The following SNRPD1 variants were observed in gnomAD, a reference collection of about 807,000 sequenced individuals.
The protein encoded by SNRPD1 is small nuclear ribonucleoprotein D1 polypeptide, also known as small nuclear ribonucleoprotein Sm D1.
Under a neutral mutation model 14.4 loss-of-function variants are expected in SNRPD1, and 1 was observed. That is an observed-to-expected ratio of 0.07 (90% confidence interval 0.02 to 0.33). The LOEUF (loss-of-function observed/expected upper bound fraction) is 0.33. Among genes scored for constraint, SNRPD1 ranks in the 10% least tolerant of loss-of-function variants. The pLI, the probability that SNRPD1 is intolerant of heterozygous loss-of-function variation, is 1.00. For synonymous variants in SNRPD1, 42 were observed against 50.3 expected, an observed-to-expected ratio of 0.83 and a Z score of 0.70; for missense variants, 52 against 146.4, an observed-to-expected ratio of 0.36 and a Z score of 3.33.
At position 21,629,168 on chromosome 18, in the gene SNRPD1, AT is replaced by A. The variant is rs758189599; in HGVS notation, c.*33del. 1 of 1,513,684 alleles carries A rather than the reference AT, an allele frequency of 6.6e-7. No individual in the cohort carries two copies. 93.8% of individuals were successfully genotyped at this position (1,513,684 alleles called of 1,614,324 possible). A position where few individuals can be genotyped will look rare whatever the true frequency, so the allele number is the denominator to read the frequency against. On this transcript the variant is annotated 3_prime_UTR_variant, in exon 4 of 4. Coordinates refer to ENST00000300413, the MANE Select transcript of SNRPD1 (RefSeq NM_006938.4). ...TCTCAAGATTTCAAAGTCATATGAG[AT>A]TTGGGATATTTTTTGTACAGGTTGT...
intron 1 of SNRPD1, among the ~76,000 whole-genome samples, chr18:21,622,218 A>C (rs1357679415): frequency 6.6e-5 from 10 of 150,598 alleles, no homozygotes; most frequent in African/African-American, 2.4e-4. Context: ...CGGCTCACTG[A>C]GAGCTCTGCT....
intron 1 of SNRPD1, among the ~76,000 whole-genome samples, chr18:21,613,854 CAAAAAAAAAA>C (rs56863125): frequency 3.4e-5 from 2 of 58,696 alleles, no homozygotes; most frequent in Non-Finnish European, 5.9e-5. Context: ...GACTCCATCT[CAAAAAAAAAA>C]AAAAAAAAAA....
At chr18:21,619,779 CA>C (rs542087657) in intron 1 of SNRPD1, among the ~76,000 whole-genome samples, 1 of 148,738 alleles carries the variant, frequency 6.7e-6, no homozygotes. Context: ...GACTCCGTCT[CA>C]AAAAAAAATA....
Position 21,623,828 on chromosome 18 carries a change from C to A in SNRPD1, c.172C>A (p.Leu58Met), listed in dbSNP as rs2039015666. Residue 58 changes from leucine to methionine, a missense_variant, in exon 3 of 4, where the codon CTG becomes ATG. Physicochemically the swap from Leu to Met is conservative, Grantham distance 15 (BLOSUM62 2). Transcript: ENST00000300413. ...KNREPVQLET[L>M]SIRGNNIRYF... ...CAGAGAACCTGTACAGCTGGAAACGCTGAGTATTCGAGGAAATAACATTCG... is the reference window on the plus strand; with the variant it reads ...CAGAGAACCTGTACAGCTGGAAACGATGAGTATTCGAGGAAATAACATTCG... 2 of 1,613,254 alleles carry A rather than the reference C, an allele frequency of 1.2e-6. No individual in the cohort carries two copies. Among genetic ancestry groups the A allele is most frequent in the Non-Finnish European group, 1.7e-6 (2 of 1,179,306 alleles).
At chr18:21,617,674 C>T (rs1282137912) in intron 1 of SNRPD1, among the ~76,000 whole-genome samples, 1 of 152,156 alleles carries the variant, frequency 6.6e-6, no homozygotes, top group East Asian at 1.9e-4. Flanking sequence ...ACCTGCCTAA[C>T]TCCTCTCTAC....
intron 2 of SNRPD1, among the ~76,000 whole-genome samples, chr18:21,623,475 G>A (rs2039013296): frequency 6.6e-6 from 1 of 152,164 alleles, no homozygotes; most frequent in Non-Finnish European, 1.5e-5. Flanking sequence ...CATCAGTAGT[G>A]AGCCTAAAGC....
intron 3 of SNRPD1, among the ~76,000 whole-genome samples, chr18:21,628,735 G>T (rs1178913742): frequency 2.6e-5 from 4 of 151,892 alleles, no homozygotes; most frequent in Non-Finnish European, 5.9e-5. Flanking sequence ...TTTTTGTGAG[G>T]TTCAAATCAT....
chr18:21,622,263 C>T (rs2039003572), intron 1 of SNRPD1, among the ~76,000 whole-genome samples: 2 of 151,976 alleles, frequency 1.3e-5, no homozygotes, highest in African/African-American at 4.8e-5. Context: ...CCTCAGCCTC[C>T]CGAGTAGCTG....
Position 21,629,228 on chromosome 18 carries a change from G to A in SNRPD1, c.*90G>A, listed in dbSNP as rs973378880. Reference sequence around the variant, plus strand: ...ATGTCAGTTTTTAATAAACATAAATGTGGGACAGAGCTGTCTATTTAGTAT... The same window carrying A: ...ATGTCAGTTTTTAATAAACATAAATATGGGACAGAGCTGTCTATTTAGTAT... On this transcript the variant is annotated 3_prime_UTR_variant, in exon 4 of 4. Transcript: ENST00000300413. 3.4e-5 allele frequency: 33 copies of A among 971,366 alleles called. No homozygotes were observed. The highest frequency in any genetic ancestry group is 5.2e-5 in the Non-Finnish European group (31 of 598,590). The allele number at this position is 971,366 out of a possible 1,614,324, so 60.2% of individuals were successfully genotyped here.
chr18:21,626,062 T>A (rs1183643577), intron 3 of SNRPD1, among the ~76,000 whole-genome samples: 2 of 152,146 alleles, frequency 1.3e-5, no homozygotes, highest in Non-Finnish European at 2.9e-5. Flanking sequence ...AGACTTACAG[T>A]TTTTGTGTGT....
intron 1 of SNRPD1, among the ~76,000 whole-genome samples, chr18:21,622,123 A>G (rs2039002339): frequency 6.6e-6 from 1 of 151,128 alleles, no homozygotes; most frequent in African/African-American, 2.4e-5. Context: ...TAATCTTTTT[A>G]CCGACTGTAA....
chr18:21,616,558 A>G (rs945283284), intron 1 of SNRPD1, among the ~76,000 whole-genome samples: 31 of 144,366 alleles, frequency 2.1e-4, no homozygotes, highest in African/African-American at 8.0e-4. Flanking sequence ...GGGTTTCACC[A>G]TGTTGGTCAG....
chr18:21,623,724 C>T, intron 2 of SNRPD1, 24 bp from the exon 3 acceptor site: 1 of 1,553,976 alleles, frequency 6.4e-7, no homozygotes, highest in Non-Finnish European at 8.8e-7. Flanking sequence ...ATACTAATAA[C>T]TGCACAATTA....
intron 3 of SNRPD1, among the ~76,000 whole-genome samples, chr18:21,625,951 C>T (rs1191993410): frequency 6.6e-6 from 1 of 152,096 alleles, no homozygotes; most frequent in Non-Finnish European, 1.5e-5. Context: ...TTTCTTTGTT[C>T]CTCTGGGTAG....
Position 21,612,327 on chromosome 18 carries a change from G to GC in SNRPD1, c.-99dup. 1.2e-6 allele frequency: 1 copy of GC among 815,340 alleles called. No individual in the cohort carries two copies. The highest frequency in any genetic ancestry group is 2.9e-5 in the East Asian group (1 of 34,168). 50.5% of individuals were successfully genotyped at this position (815,340 alleles called of 1,614,324 possible). ...GCTCCGCGCGCTCTTGACGTCCGGA[G>GC]CCCCTGGAGTAGGCGCTTCCGGCCA... On this transcript the variant is annotated 5_prime_UTR_variant, in exon 1 of 4. Coordinates refer to ENST00000300413, the MANE Select transcript of SNRPD1 (RefSeq NM_006938.4).
intron 1 of SNRPD1, among the ~76,000 whole-genome samples, chr18:21,620,811 G>A (rs1214690593): frequency 6.6e-6 from 1 of 152,142 alleles, no homozygotes; most frequent in African/African-American, 2.4e-5. Flanking sequence ...CAACCTAATT[G>A]AGAATGTCAA....
At chr18:21,621,279 G>T (rs1246845695) in intron 1 of SNRPD1, among the ~76,000 whole-genome samples, 1 of 152,164 alleles carries the variant, frequency 6.6e-6, no homozygotes, top group Non-Finnish European at 1.5e-5. Context: ...GTTGGTGAGG[G>T]TTTGCATAAT....
rs2039064044 is a variant in SNRPD1, at chr18:21,629,430, G to T, written c.*292G>T. ...AAAAGCCTTAGACAAATTAAATTTGGCAGAGTTTAATTGAGCAAAGGACAA... is the reference window on the plus strand; with the variant it reads ...AAAAGCCTTAGACAAATTAAATTTGTCAGAGTTTAATTGAGCAAAGGACAA... On this transcript the variant is annotated 3_prime_UTR_variant, in exon 4 of 4. Transcript: ENST00000300413. 3.8e-6 allele frequency: 1 copy of T among 265,670 alleles called. No individual in the cohort carries two copies. Among genetic ancestry groups the T allele is most frequent in the East Asian group, 7.5e-5 (1 of 13,402 alleles). The allele number at this position is 265,670 out of a possible 1,614,324, so 16.5% of individuals were successfully genotyped here.
rs1200651646 is a variant in SNRPD1, at chr18:21,613,500, G to A, written c.14+1057G>A. Among the ~76,000 whole-genome samples, 3 of 152,158 alleles carry A rather than the reference G, an allele frequency of 2.0e-5. No individual in the cohort carries two copies. In the East Asian group the frequency reaches 5.8e-4, roughly 29 times the overall value. On this transcript the variant is annotated intron_variant, in intron 1 of 3. Coordinates refer to ENST00000300413, the MANE Select transcript of SNRPD1 (RefSeq NM_006938.4). Reference sequence around the variant, plus strand: ...TCTGGTTAGTGGGGATGACAGACAAGTAGATAACGTCTGAAGTAACGTTTG... The same window carrying A: ...TCTGGTTAGTGGGGATGACAGACAAATAGATAACGTCTGAAGTAACGTTTG...
Sources: gnomAD v4.1 joint callset for allele counts (sites outside exome capture counted in the v4.1 genomes callset) on GRCh38, gnomAD v4.1.1 for gene constraint, MANE v1.5 for transcripts, NCBI Gene and HGNC (gene_info 2026-07-23, HGNC 2026-07-21) for gene names.